The following ITPKB variants were observed in gnomAD, a reference collection of about 807,000 sequenced individuals.
ITPKB encodes IP3 3-kinase B.
In ITPKB, 13 loss-of-function variants were observed where a neutral mutation model predicts 69.4. The ratio of observed to expected loss-of-function variants is 0.19; its 90% CI spans 0.12 to 0.30. ITPKB has a LOEUF of 0.30. Among genes scored for constraint, ITPKB ranks in the 10% least tolerant of loss-of-function variants. The pLI, the probability that ITPKB is intolerant of heterozygous loss-of-function variation, is 1.00. For missense variants in ITPKB, 1,240 were observed against 1,250.5 expected, an observed-to-expected ratio of 0.99 and a Z score of 0.13; for synonymous variants, 584 against 513.7, an observed-to-expected ratio of 1.14 and a Z score of -1.85.
chr1:226,652,303 C>T (rs1006239138), intron 2 of ITPKB, among the ~76,000 whole-genome samples: 1 of 152,172 alleles, frequency 6.6e-6, no homozygotes, highest in African/African-American at 2.4e-5. Flanking sequence ...GCATCTGCCT[C>T]AGGAACCAAA....
At chr1:226,679,150 G>T (rs926455337) in intron 2 of ITPKB, among the ~76,000 whole-genome samples, 1 of 151,704 alleles carries the variant, frequency 6.6e-6, no homozygotes, top group East Asian at 1.9e-4. Flanking sequence ...TGTTCCAATG[G>T]CTGACAGCGT....
chr1:226,733,917 A>T (rs1278339428), intron 2 of ITPKB, among the ~76,000 whole-genome samples: 1 of 152,240 alleles, frequency 6.6e-6, no homozygotes, highest in African/African-American at 2.4e-5. Context: ...AGAAGTTGCT[A>T]ATCTACCACT....
intron 2 of ITPKB, among the ~76,000 whole-genome samples, chr1:226,693,816 C>G (rs1189252193): frequency 6.6e-6 from 1 of 152,164 alleles, no homozygotes; most frequent in Admixed American, 6.5e-5. Flanking sequence ...CTGGATAACT[C>G]AAGTTTACTC....
intron 2 of ITPKB, among the ~76,000 whole-genome samples, chr1:226,697,250 T>A (rs1431856365): frequency 2.0e-5 from 3 of 152,238 alleles, no homozygotes; most frequent in African/African-American, 7.2e-5. Context: ...GTAGCAATAG[T>A]TGCTGTGAGG....
intron 2 of ITPKB, among the ~76,000 whole-genome samples, chr1:226,649,150 C>T (rs1166977829): frequency 6.6e-6 from 1 of 152,240 alleles, no homozygotes; most frequent in Non-Finnish European, 1.5e-5. Context: ...AGAAATTCCT[C>T]AGAACAGAAC....
Position 226,735,645 on chromosome 1 carries a change from G to A in ITPKB, c.1814C>T (p.Ser605Phe). Residue 605 changes from serine to phenylalanine, a missense_variant, in exon 2 of 8, where the codon TCC becomes TTC. By Grantham distance (155) the Ser-to-Phe change is radical (BLOSUM62 -2). Transcript: ENST00000429204. Reference protein sequence around the residue: ...LRKLSSSSASSTGFSSSYEDS... With the variant: ...LRKLSSSSASFTGFSSSYEDS... ...TTCGTAGGATGAGGAGAAGCCCGTG[G>A]AGGAGGCCGAGGAAGAGGACAGTTT... The A allele has an allele frequency of 1.2e-6, 2 of 1,612,022 alleles. No homozygotes were observed. Among genetic ancestry groups the A allele is most frequent in the Non-Finnish European group, 1.7e-6 (2 of 1,178,866 alleles).
intron 3 of ITPKB, 39 bp downstream of exon 3, chr1:226,648,633 G>A (rs1669109857): frequency 1.5e-6 from 2 of 1,296,382 alleles, no homozygotes; most frequent in Non-Finnish European, 2.2e-6. Flanking sequence ...CCAGAGGGCT[G>A]AGCACCATGC....
intron 2 of ITPKB, among the ~76,000 whole-genome samples, chr1:226,733,458 A>T (rs538237364): frequency 2.9e-4 from 44 of 152,276 alleles, no homozygotes; most frequent in African/African-American, 9.9e-4. Context: ...ATAAGGCTCC[A>T]GCGTAACAAT....
intron 2 of ITPKB, among the ~76,000 whole-genome samples, chr1:226,721,687 G>T (rs906804903): frequency 2.0e-4 from 30 of 151,620 alleles, no homozygotes; most frequent in Admixed American, 3.3e-4. Flanking sequence ...TAGAGACGGG[G>T]TTTCACCATG....
chr1:226,648,718 C>A lies in ITPKB; in HGVS notation c.1986G>T (p.Met662Ile). Residue 662 changes from methionine (M) to isoleucine (I), a missense_variant, in exon 3 of 8, where the codon ATG becomes ATT. Transcript: ENST00000429204. The part of the protein sequence containing the change: ...KNMVHWSPFV[M>I]SFKKKYPWIQ... ...TCCAGGGGTACTTCTTCTTGAAGGA[C>A]ATGACGAAGGGAGACCAGTGCACCA... 1 of 1,613,508 alleles carries A rather than the reference C, an allele frequency of 6.2e-7. No homozygotes were observed. Among genetic ancestry groups the A allele is most frequent in the East Asian group, 2.2e-5 (1 of 44,876 alleles).
chr1:226,721,490 C>T (rs1030567689), intron 2 of ITPKB, among the ~76,000 whole-genome samples: 1 of 151,822 alleles, frequency 6.6e-6, no homozygotes, highest in Non-Finnish European at 1.5e-5. Flanking sequence ...TGGGGTCATA[C>T]TGAACTATTT....
At chr1:226,658,643 C>A (rs12093898) in intron 2 of ITPKB, among the ~76,000 whole-genome samples, 5,814 of 152,272 alleles carry the variant, frequency 0.038, 370 homozygotes, top group African/African-American at 0.13. Flanking sequence ...TTTATTTCAT[C>A]CCCCGTCTCC....
rs924756114 is a variant in ITPKB, at chr1:226,634,584, G to GT, written c.*86dup. On this transcript the variant is annotated 3_prime_UTR_variant, in exon 8 of 8. Transcript: ENST00000429204. This position sits in a 1 kb window ranked among gnomAD's most constrained non-coding sequence, Gnocchi z 6.3. ...TGCAGTTCAGGAGGGTCAGTCAGGT[G>GT]TAAGTGAAGGAAAAGTTAGGAACGA... 8.9e-6 allele frequency: 6 copies of GT among 676,448 alleles called. No homozygotes were observed. The African/African-American group carries it at 1.1e-4, about 12-fold the overall frequency. 41.9% of individuals were successfully genotyped at this position (676,448 alleles called of 1,614,324 possible). A position where few individuals can be genotyped will look rare whatever the true frequency, so the allele number is the denominator to read the frequency against.
chr1:226,671,171 T>C, intron 2 of ITPKB, among the ~76,000 whole-genome samples: 1 of 152,218 alleles, frequency 6.6e-6, no homozygotes, highest in Non-Finnish European at 1.5e-5. Context: ...CAAGGATCTC[T>C]AGAAGCCCAG....
At chr1:226,673,526 G>A (rs1669663038) in intron 2 of ITPKB, among the ~76,000 whole-genome samples, 1 of 152,188 alleles carries the variant, frequency 6.6e-6, no homozygotes, top group Admixed American at 6.5e-5. Context: ...CCAGGAACTA[G>A]TCCACCAAAT....
intron 2 of ITPKB, among the ~76,000 whole-genome samples, chr1:226,667,826 A>ATGTGTGTGTGTGTGTGTG (rs3841844): frequency 3.2e-4 from 48 of 148,378 alleles, no homozygotes; most frequent in South Asian, 8.6e-4. Context: ...GATGAGGAAA[A>ATGTGTGTGTGTGTGTGTG]TGTGTGTGTG....
rs1668867787 is a variant in ITPKB at position 226,637,717 on chromosome 1, T to C, written c.2587A>G (p.Thr863Ala). ...AAGAAGGGAGAAACTTCTAGAGTGG[T>C]TCGAATGGCCTTCAGCCGGTCCCGA... ...AYRDRLKAIR[T>A]TLEVSPFFKC... Residue 863 changes from threonine to alanine, a missense_variant, in exon 7 of 8, where the codon ACC (threonine) becomes GCC (alanine). By Grantham distance (58) the Thr-to-Ala change is moderately conservative. Coordinates refer to ENST00000429204, the MANE Select transcript of ITPKB (RefSeq NM_002221.4). This position sits in a 1 kb window ranked among gnomAD's most constrained non-coding sequence, Gnocchi z 4.3. 7.4e-6 allele frequency: 12 copies of C among 1,614,030 alleles called. No homozygotes were observed. The highest frequency in any genetic ancestry group is 1.0e-5 in the Non-Finnish European group (12 of 1,179,906).
chr1:226,703,384 C>G (rs1656714916), intron 2 of ITPKB, among the ~76,000 whole-genome samples: 1 of 152,246 alleles, frequency 6.6e-6, no homozygotes, highest in Non-Finnish European at 1.5e-5. Flanking sequence ...TCCCACCGCC[C>G]GACGCTGGCT....
chr1:226,694,851 A>G (rs61835602), intron 2 of ITPKB, among the ~76,000 whole-genome samples: 33,804 of 152,204 alleles, frequency 0.22, 3,934 homozygotes, highest in Middle Eastern at 0.33. Flanking sequence ...TCAAACTTTG[A>G]TCTGGCTTGA....
Sources: gnomAD v4.1 joint callset for allele counts (sites outside exome capture counted in the v4.1 genomes callset) on GRCh38, gnomAD v4.1.1 for gene constraint, Gnocchi (gnomAD v3.1) non-coding constraint, MANE v1.5 for transcripts, NCBI Gene and HGNC (gene_info 2026-07-23, HGNC 2026-07-21) for gene names.